Variants in CRPPA observed in about 807,000 individuals in gnomAD.
CRPPA encodes the protein CDP-L-ribitol pyrophosphorylase A, also known as D-ribitol-5-phosphate cytidylyltransferase.
In CRPPA, 43 loss-of-function variants were observed where a neutral mutation model predicts 52.0. That is an observed-to-expected ratio of 0.83 (90% CI 0.65 to 1.07). The LOEUF (loss-of-function observed/expected upper bound fraction) is 1.07, where lower values mean the gene tolerates loss of function less well. Among genes scored for constraint, CRPPA ranks in the 50% least tolerant of loss-of-function variants. The probability of loss-of-function intolerance (pLI) is 0.00; values close to 1 mark genes in which losing one functional copy is unlikely to be tolerated. For missense variants in CRPPA, 629 were observed against 551.7 expected (o/e 1.14, Z -1.40); for synonymous variants, 250 against 203.5 (o/e 1.23, Z -1.94).
chr7:16,239,137 CAAAAA>C lies in CRPPA; in HGVS notation c.1119+19248_1119+19252del, dbSNP rs35537101. On this transcript the variant is annotated intron_variant, in intron 8 of 9. Transcript: ENST00000407010. Reference sequence around the variant, plus strand: ...TGAGCCACAGAGCAAGACTCTGTCTCAAAAAAAAAAAAAAAAAAAAGCCATTTAGA... The same window carrying C: ...TGAGCCACAGAGCAAGACTCTGTCTCAAAAAAAAAAAAAAAGCCATTTAGA... Among the ~76,000 whole-genome samples, 28 of 88,524 alleles carry C rather than the reference CAAAAA, an allele frequency of 3.2e-4. 1 individual carries two copies. The highest frequency in any genetic ancestry group is 1.7e-4 in the Non-Finnish European group (8 of 45,888). 58.1% of individuals were successfully genotyped at this position (88,524 alleles called of 152,430 possible).
At chr7:16,319,665 C>T (rs1281495649) in intron 3 of CRPPA, among the ~76,000 whole-genome samples, 2 of 152,142 alleles carry the variant, frequency 1.3e-5, no homozygotes, top group Non-Finnish European at 2.9e-5. Context: ...AAAAGCCAAG[C>T]CACGAAGATA....
At chr7:16,212,959 A>G (rs1022219743) in intron 9 of CRPPA, among the ~76,000 whole-genome samples, 3 of 152,258 alleles carry the variant, frequency 2.0e-5, no homozygotes, top group Non-Finnish European at 2.9e-5. Flanking sequence ...GCACAGGTTA[A>G]AGATAAAACT....
chr7:16,262,277 C>A (rs1783831115), intron 6 of CRPPA, among the ~76,000 whole-genome samples: 1 of 152,166 alleles, frequency 6.6e-6, no homozygotes. Flanking sequence ...ACCTACTCTA[C>A]TTTAGCTACC....
intron 2 of CRPPA, among the ~76,000 whole-genome samples, chr7:16,399,476 C>T (rs192440588): frequency 1.5e-4 from 22 of 150,300 alleles, no homozygotes; most frequent in Middle Eastern, 3.4e-3. Flanking sequence ...ATTGACAAGA[C>T]GTTTGATCAA....
chr7:16,293,832 C>T (rs935924494), intron 5 of CRPPA, among the ~76,000 whole-genome samples: 3 of 151,924 alleles, frequency 2.0e-5, no homozygotes, highest in African/African-American at 7.2e-5. Context: ...GATGAAGTTT[C>T]CTACCTTAGA....
chr7:16,114,883 G>A (rs1195865939), intron 9 of CRPPA, among the ~76,000 whole-genome samples: 1 of 141,652 alleles, frequency 7.1e-6, no homozygotes, highest in Admixed American at 6.8e-5. Flanking sequence ...AAATTAATAA[G>A]AGAGAACTTA....
At chr7:16,259,759 T>C (rs894143875) in intron 6 of CRPPA, among the ~76,000 whole-genome samples, 2 of 151,996 alleles carry the variant, frequency 1.3e-5, no homozygotes, top group African/African-American at 4.8e-5. Context: ...TTTCAGTGAT[T>C]CTTACTGGTA....
chr7:16,342,811 A>ATAGATATACATATATAGATAT, intron 3 of CRPPA, among the ~76,000 whole-genome samples: 1 of 128,538 alleles, frequency 7.8e-6, no homozygotes, highest in African/African-American at 2.8e-5. Context: ...ATATAGATAT[A>ATAGATATACATATATAGATAT]TAGATATACA....
At position 16,376,189 on chromosome 7, in the gene CRPPA, T is replaced by C. The variant is rs749447000; in HGVS notation, c.587A>G (p.Asp196Gly). 1 of 1,613,372 alleles carries C rather than the reference T, an allele frequency of 6.2e-7. No homozygotes were observed. Among genetic ancestry groups the C allele is most frequent in the South Asian group, 1.1e-5 (1 of 90,986 alleles). The part of the protein sequence containing the change: ...LVSTVVSPSA[D>G]GCLDYSLERA... ...TTCTAGCGAGTAGTCTAAGCAACCA[T>C]CAGCAGATGGACTGACGACAGTAGA... The change falls in exon 3 of 10, where the codon GAT (aspartate) becomes GGT (glycine). Residue 196 changes from aspartate (D) to glycine (G), a missense_variant. Transcript: ENST00000407010.
chr7:16,404,048 T>A (rs533331141), intron 2 of CRPPA, among the ~76,000 whole-genome samples: 9 of 152,206 alleles, frequency 5.9e-5, no homozygotes, highest in Non-Finnish European at 1.2e-4. Flanking sequence ...GGATTCAACT[T>A]TGAACCAGTT....
At chr7:16,235,569 G>A (rs1782926979) in intron 8 of CRPPA, among the ~76,000 whole-genome samples, 2 of 152,134 alleles carry the variant, frequency 1.3e-5, no homozygotes, top group South Asian at 4.1e-4. Flanking sequence ...CATGAAAACA[G>A]CAGAGTTGAT....
At chr7:16,188,852 T>G (rs1583417163) in intron 9 of CRPPA, among the ~76,000 whole-genome samples, 1 of 152,218 alleles carries the variant, frequency 6.6e-6, no homozygotes, top group African/African-American at 2.4e-5. Context: ...CCAAATGTAT[T>G]TTATTAATAA....
At chr7:16,293,155 C>G (rs1294831940) in intron 5 of CRPPA, among the ~76,000 whole-genome samples, 1 of 151,746 alleles carries the variant, frequency 6.6e-6, no homozygotes, top group Non-Finnish European at 1.5e-5. Context: ...AAGGTAGATC[C>G]TCAAGCAGGT....
intron 3 of CRPPA, among the ~76,000 whole-genome samples, chr7:16,315,153 G>A (rs1354006564): frequency 6.6e-6 from 1 of 152,028 alleles, no homozygotes; most frequent in Non-Finnish European, 1.5e-5. Flanking sequence ...CTAGTCTACC[G>A]ATAAGGCATC....
In CRPPA at chr7:16,161,126, C is replaced by CAGAG. The variant is rs1408616985; in HGVS notation, c.1251+54939_1251+54940insCTCT. On this transcript the variant is annotated intron_variant, in intron 9 of 9. Transcript: ENST00000407010. The stretch of plus-strand genomic sequence containing the variant: ...TATACACATACAATCATGTCATCTA[C>CAGAG]AAACAGAGACAATTTGACTTCCTCT... Among the ~76,000 whole-genome samples the CAGAG allele has an allele frequency of 4.6e-5, 7 of 152,274 alleles. No homozygotes were observed. In the East Asian group the frequency reaches 1.4e-3, roughly 29 times the overall value.
intron 9 of CRPPA, among the ~76,000 whole-genome samples, chr7:16,131,795 G>A (rs1270654698): frequency 6.6e-6 from 1 of 152,156 alleles, no homozygotes; most frequent in Non-Finnish European, 1.5e-5. Flanking sequence ...TGCCCAGGCT[G>A]TTCTCGAGCT....
chr7:16,268,309 G>A lies in CRPPA; in HGVS notation c.934-9297C>T, dbSNP rs539648444. 3.9e-5 allele frequency among the ~76,000 whole-genome samples: 6 copies of A among 152,208 alleles called. No homozygotes were observed. In the South Asian group the frequency reaches 1.2e-3, roughly 32 times the overall value. ...AATTAAAATCAGCTATAATTTGTAT[G>A]AATAGCTTACCGAAGAGTCCTTTCA... On this transcript the variant is annotated intron_variant, in intron 6 of 9. Coordinates refer to ENST00000407010, the MANE Select transcript of CRPPA (RefSeq NM_001101426.4).
chr7:16,407,296 G>A (rs1787977814), intron 1 of CRPPA, among the ~76,000 whole-genome samples: 1 of 152,076 alleles, frequency 6.6e-6, no homozygotes, highest in East Asian at 1.9e-4. Flanking sequence ...ATTTTCTTGA[G>A]GGACCTACTG....
chr7:16,345,130 C>T (rs1490540240), intron 3 of CRPPA, among the ~76,000 whole-genome samples: 1 of 152,138 alleles, frequency 6.6e-6, no homozygotes, highest in African/African-American at 2.4e-5. Context: ...TCATGCACAA[C>T]ATTCACCAAT....
Sources: allele counts gnomAD v4.1 joint callset (sites outside exome capture counted in the v4.1 genomes callset), GRCh38; gene constraint gnomAD v4.1.1; transcripts MANE v1.5; gene names NCBI Gene and HGNC (gene_info 2026-07-23, HGNC 2026-07-21).